Variants in MXI1 observed in about 807,000 individuals in gnomAD.
MXI1 encodes max-interacting protein 1.
In MXI1, 18 loss-of-function variants were observed where a neutral mutation model predicts 36.9. The observed-to-expected ratio is 0.49, with a 90% CI of 0.34 to 0.72. The LOEUF is 0.72. MXI1 is among the 30% of genes least tolerant of loss of function. MXI1 has a pLI of 0.01. For missense variants in MXI1, 304 were observed against 379.1 expected, an observed-to-expected ratio of 0.80 and a Z score of 1.64; for synonymous variants, 160 against 146.7, an observed-to-expected ratio of 1.09 and a Z score of -0.65.
rs936519068 is a variant in MXI1 at position 110,286,028 on chromosome 10, A to G, written c.*1041A>G. 6.6e-6 allele frequency: 1 copy of G among 152,660 alleles called. No homozygotes were observed. The highest frequency in any genetic ancestry group is 1.5e-5 in the Non-Finnish European group (1 of 68,048). 9.5% of individuals were successfully genotyped at this position (152,660 alleles called of 1,614,324 possible). On this transcript the variant is annotated 3_prime_UTR_variant, in exon 6 of 6. Coordinates refer to ENST00000332674, the MANE Select transcript of MXI1 (RefSeq NM_130439.3). The stretch of plus-strand genomic sequence containing the variant: ...TTTTGATGCAGCATTTGATAATGAT[A>G]AAACACCTCACACCTCACTCTTTAT...
At chr10:110,209,938 C>T (rs1423069037) in intron 1 of MXI1, among the ~76,000 whole-genome samples, 1 of 151,118 alleles carries the variant, frequency 6.6e-6, no homozygotes, top group African/African-American at 2.4e-5. Flanking sequence ...AGCCACCCCC[C>T]CTCACCAGCG....
chr10:110,237,161 A>G (rs1200495725), intron 2 of MXI1, among the ~76,000 whole-genome samples: 11 of 152,170 alleles, frequency 7.2e-5, no homozygotes, highest in Non-Finnish European at 1.5e-5. Context: ...AAGTAAAGAC[A>G]TTTTTATTTC....
At chr10:110,225,477 A>AT (rs138739437) in intron 1 of MXI1, among the ~76,000 whole-genome samples, 8,004 of 152,278 alleles carry the variant, frequency 0.053, 321 homozygotes, top group Middle Eastern at 0.15. Flanking sequence ...TTGAACAGCA[A>AT]TTTTGGCTTT....
intron 3 of MXI1, among the ~76,000 whole-genome samples, chr10:110,261,644 C>G (rs1564720787): frequency 6.6e-6 from 1 of 152,186 alleles, no homozygotes; most frequent in Admixed American, 6.5e-5. Context: ...GTTTTTGAAT[C>G]AATGGCTAGG....
chr10:110,225,133 C>A (rs1234825344), intron 1 of MXI1, among the ~76,000 whole-genome samples: 1 of 152,178 alleles, frequency 6.6e-6, no homozygotes, highest in Non-Finnish European at 1.5e-5. Context: ...AGCAGGTCTG[C>A]GTCCGTTTCT....
At position 110,216,665 on chromosome 10, in the gene MXI1, G is replaced by GTTTTTTTTTTGTTTTTTTTTTTT. The variant is rs1854645560; in HGVS notation, c.274+8593_274+8594insGTTTTTTTTTTTTTTTTTTTTTT. On this transcript the variant is annotated intron_variant, in intron 1 of 5. Coordinates refer to ENST00000332674, the MANE Select transcript of MXI1 (RefSeq NM_130439.3). ...CCTGTCTCCCCTATCTGTGTTTAAT[G>GTTTTTTTTTTGTTTTTTTTTTTT]TTTTTTTTTTTTTTTTTTTTGGAGA... Among the ~76,000 whole-genome samples, 11 of 79,060 alleles carry GTTTTTTTTTTGTTTTTTTTTTTT rather than the reference G, an allele frequency of 1.4e-4. 1 individual carries two copies. Among genetic ancestry groups the GTTTTTTTTTTGTTTTTTTTTTTT allele is most frequent in the African/African-American group, 8.7e-4 (11 of 12,588 alleles). The allele number at this position is 79,060 out of a possible 152,430, so 51.9% of individuals were successfully genotyped here.
intron 3 of MXI1, among the ~76,000 whole-genome samples, chr10:110,263,584 T>C (rs1856587545): frequency 6.6e-6 from 1 of 152,224 alleles, no homozygotes; most frequent in Admixed American, 6.5e-5. Context: ...ATCTTTTCTG[T>C]TATGAAAACC....
At chr10:110,264,423 T>C (rs1282887361) in intron 3 of MXI1, among the ~76,000 whole-genome samples, 2 of 150,852 alleles carry the variant, frequency 1.3e-5, no homozygotes, top group African/African-American at 2.4e-5. Flanking sequence ...TGGAGTGCAA[T>C]GGTGTGATCT....
chr10:110,249,576 CAAAA>C (rs11436694), intron 3 of MXI1, among the ~76,000 whole-genome samples: 3 of 100,384 alleles, frequency 3.0e-5, no homozygotes, highest in Non-Finnish European at 4.5e-5. Context: ...AAGACTTTGT[CAAAA>C]AAAAAAAAAA....
chr10:110,208,271 G>C lies in MXI1; in HGVS notation c.274+189G>C, dbSNP rs1464920307. On this transcript the variant is annotated intron_variant, in intron 1 of 5. Transcript: ENST00000332674. ...AAGCTGCTAAAGATGTAACAAAGAC[G>C]GGCGAGGGGGAGAGGGGCCTGTCGG... 7.4e-6 allele frequency: 4 copies of C among 540,912 alleles called. No individual in the cohort carries two copies. In the African/African-American group the frequency reaches 8.2e-5, roughly 11 times the overall value. The allele number at this position is 540,912 out of a possible 1,614,324, so 33.5% of individuals were successfully genotyped here.
At chr10:110,263,773 A>AT (rs915053903) in intron 3 of MXI1, among the ~76,000 whole-genome samples, 86 of 151,960 alleles carry the variant, frequency 5.7e-4, no homozygotes, top group African/African-American at 1.9e-3. Context: ...TTTCCTTCTG[A>AT]TTTTTTTGTT....
At chr10:110,238,473 T>C (rs1308019051) in intron 2 of MXI1, among the ~76,000 whole-genome samples, 2 of 152,214 alleles carry the variant, frequency 1.3e-5, no homozygotes, top group Non-Finnish European at 2.9e-5. Flanking sequence ...TTTGTTAGAA[T>C]TTTTGTGTCT....
At chr10:110,252,559 G>T (rs1856134360) in intron 3 of MXI1, among the ~76,000 whole-genome samples, 2 of 151,920 alleles carry the variant, frequency 1.3e-5, no homozygotes, top group South Asian at 4.2e-4. Flanking sequence ...TCACCTCCTG[G>T]TCACACTCTA....
intron 3 of MXI1, among the ~76,000 whole-genome samples, chr10:110,265,848 C>T (rs761080076): frequency 1.6e-4 from 25 of 152,070 alleles, no homozygotes; most frequent in East Asian, 5.8e-4. Flanking sequence ...TGGAGTTTGC[C>T]GTAATTGGTT....
chr10:110,248,089 G>T (rs892460012), intron 3 of MXI1, among the ~76,000 whole-genome samples: 1 of 152,088 alleles, frequency 6.6e-6, no homozygotes, highest in African/African-American at 2.4e-5. Flanking sequence ...GCAAACTATC[G>T]CAAGGACAAA....
Position 110,285,100 on chromosome 10 carries a change from A to C in MXI1, c.*113A>C. On this transcript the variant is annotated 3_prime_UTR_variant, in exon 6 of 6. Coordinates refer to ENST00000332674, the MANE Select transcript of MXI1 (RefSeq NM_130439.3). ...TCTCCTCTTTAAAACAAAACAAAAC[A>C]AAACAAAACTATACTTGAACAAAAG... The C allele has an allele frequency of 9.5e-7, 1 of 1,054,592 alleles. No homozygotes were observed. Among genetic ancestry groups the C allele is most frequent in the Non-Finnish European group, 1.3e-6 (1 of 770,276 alleles). The allele number at this position is 1,054,592 out of a possible 1,614,324, so 65.3% of individuals were successfully genotyped here.
chr10:110,280,693 A>G (rs1857215681), intron 5 of MXI1, among the ~76,000 whole-genome samples: 1 of 151,924 alleles, frequency 6.6e-6, no homozygotes, highest in Non-Finnish European at 1.5e-5. Context: ...AAAAAAAAAA[A>G]GAAAAGAAAT....
At chr10:110,263,134 C>G (rs1856573707) in intron 3 of MXI1, among the ~76,000 whole-genome samples, 1 of 152,078 alleles carries the variant, frequency 6.6e-6, no homozygotes, top group Admixed American at 6.6e-5. Flanking sequence ...GGCTCTGCAC[C>G]TTTCGTTAGA....
intron 5 of MXI1, among the ~76,000 whole-genome samples, chr10:110,283,285 AGAGT>A (rs1857324369): frequency 6.8e-6 from 1 of 146,346 alleles, no homozygotes; most frequent in Admixed American, 6.9e-5. Flanking sequence ...TTTTTGAGAG[AGAGT>A]GTCTCGCTCT....
Sources: gnomAD v4.1 joint callset for allele counts (sites outside exome capture counted in the v4.1 genomes callset) on GRCh38, gnomAD v4.1.1 for gene constraint, MANE v1.5 for transcripts, NCBI Gene and HGNC (gene_info 2026-07-23, HGNC 2026-07-21) for gene names.